The following VRK2 variants were observed in gnomAD, a reference collection of about 807,000 sequenced individuals.
The protein encoded by VRK2 is VRK serine/threonine kinase 2, also known as serine/threonine-protein kinase VRK2.
Under a neutral mutation model 57.6 loss-of-function variants are expected in VRK2, and 60 were observed. That is an observed-to-expected ratio of 1.04 (90% CI 0.85 to 1.29). The LOEUF (loss-of-function observed/expected upper bound fraction) is 1.29, where lower values mean the gene tolerates loss of function less well. VRK2 is among the 50% of genes most tolerant of loss of function. The pLI is 0.00. For synonymous variants in VRK2, 231 were observed against 199.2 expected (o/e 1.16, Z -1.35); for missense variants, 705 against 588.1 (o/e 1.20, Z -2.06).
chr2:58,075,766 C>T (rs1432434691), intron 2 of VRK2, among the ~76,000 whole-genome samples: 1 of 147,840 alleles, frequency 6.8e-6, no homozygotes, highest in Non-Finnish European at 1.5e-5. Context: ...TTTTCTTCTC[C>T]CATGTTGATT....
chr2:57,960,211 G>A (rs1671716583), intron 1 of VRK2, among the ~76,000 whole-genome samples: 1 of 152,110 alleles, frequency 6.6e-6, no homozygotes, highest in Non-Finnish European at 1.5e-5. Context: ...ACCAAAAAGA[G>A]TGCAGATCTG....
intron 7 of VRK2, among the ~76,000 whole-genome samples, chr2:58,107,013 CATA>C (rs1674854246): frequency 6.6e-6 from 1 of 152,060 alleles, no homozygotes; most frequent in African/African-American, 2.4e-5. Context: ...TGCATCAAAA[CATA>C]GTAGCATCTT....
chr2:57,984,274 C>CA (rs965345196), intron 1 of VRK2, among the ~76,000 whole-genome samples: 8 of 148,260 alleles, frequency 5.4e-5, no homozygotes, highest in South Asian at 4.2e-4. Context: ...CACAACCTAA[C>CA]AAAAAAAAAG....
At position 57,986,219 on chromosome 2, in the gene VRK2, T is replaced by TA. The variant is rs957855264; in HGVS notation, c.-438-39435dup. On this transcript the variant is annotated intron_variant, in intron 1 of 15. Transcript: ENST00000417641. ...AAGTCATCTCTCTTCTATATTTCTT[T>TA]AAAAAAAAAAAGAATACCTACATAA... is the stretch of plus-strand genomic sequence containing the variant. 1.3e-3 allele frequency among the ~76,000 whole-genome samples: 185 copies of TA among 146,108 alleles called. 1 individual carries two copies. The East Asian group carries it at 0.014, about 11-fold the overall frequency.
chr2:58,016,241 G>A (rs1174517595), intron 1 of VRK2, among the ~76,000 whole-genome samples: 2 of 151,298 alleles, frequency 1.3e-5, no homozygotes, highest in African/African-American at 4.9e-5. Flanking sequence ...AGTAAAACTT[G>A]CCTAGCACAT....
At chr2:57,980,147 T>C (rs1572931672) in intron 1 of VRK2, among the ~76,000 whole-genome samples, 1 of 152,266 alleles carries the variant, frequency 6.6e-6, no homozygotes, top group South Asian at 2.1e-4. Flanking sequence ...TTGAGACCTT[T>C]CTAACTTCTT....
At chr2:57,959,449 C>A (rs764564383) in intron 1 of VRK2, among the ~76,000 whole-genome samples, 3 of 152,102 alleles carry the variant, frequency 2.0e-5, no homozygotes, top group Non-Finnish European at 4.4e-5. Flanking sequence ...TGCTCCAGCT[C>A]TTTGTGAACT....
chr2:58,017,315 C>A (rs7563225), intron 1 of VRK2, among the ~76,000 whole-genome samples: 13,033 of 152,180 alleles, frequency 0.086, 1,959 homozygotes, highest in African/African-American at 0.3. Flanking sequence ...TTTATTTGCT[C>A]TCCACTGACT....
At chr2:58,013,821 A>G (rs1203489194) in intron 1 of VRK2, among the ~76,000 whole-genome samples, 4 of 142,622 alleles carry the variant, frequency 2.8e-5, no homozygotes, top group Non-Finnish European at 6.0e-5. Flanking sequence ...ATCGCGCCAC[A>G]GCACTCCCTC....
intron 3 of VRK2, among the ~76,000 whole-genome samples, chr2:58,039,584 A>G (rs1485480287): frequency 6.6e-6 from 1 of 152,170 alleles, no homozygotes; most frequent in Admixed American, 6.6e-5. Context: ...TAAGCATATT[A>G]AAGACTCAGG....
upstream of VRK2, among the ~76,000 whole-genome samples, chr2:58,044,694 G>A (rs531904388): frequency 1.2e-4 from 18 of 152,174 alleles, no homozygotes; most frequent in Non-Finnish European, 1.3e-4. Flanking sequence ...GGAAGTGATG[G>A]AGCAGTCTAT....
chr2:58,145,440 C>T (rs1448437064), intron 11 of VRK2, among the ~76,000 whole-genome samples: 9 of 151,846 alleles, frequency 5.9e-5, no homozygotes, highest in Admixed American at 5.9e-4. Context: ...TGATAGAAAA[C>T]TAAGATTTTA....
intron 1 of VRK2, among the ~76,000 whole-genome samples, chr2:57,930,890 C>T (rs777298515): frequency 3.3e-5 from 5 of 151,964 alleles, no homozygotes; most frequent in Non-Finnish European, 5.9e-5. Context: ...AATATCCTCC[C>T]GGTTTATCTA....
At chr2:57,980,774 C>T (rs1202814197) in intron 1 of VRK2, among the ~76,000 whole-genome samples, 1 of 152,124 alleles carries the variant, frequency 6.6e-6, no homozygotes, top group Admixed American at 6.5e-5. Flanking sequence ...AACCCTTTAT[C>T]AATACATAAT....
At chr2:57,984,333 A>C (rs566446953) in intron 1 of VRK2, among the ~76,000 whole-genome samples, 19 of 152,248 alleles carry the variant, frequency 1.2e-4, no homozygotes, top group African/African-American at 4.3e-4. Context: ...GTATCACTGA[A>C]AATGAGAGGA....
intron 7 of VRK2, among the ~76,000 whole-genome samples, chr2:58,118,122 A>G (rs868296955): frequency 0.025 from 2,905 of 116,358 alleles, 19 homozygotes; most frequent in African/African-American, 0.058. Flanking sequence ...GGGACTTGCC[A>G]CTAAGGGTGA....
At chr2:58,107,826 G>A (rs1205307782) in intron 7 of VRK2, among the ~76,000 whole-genome samples, 2 of 152,094 alleles carry the variant, frequency 1.3e-5, no homozygotes, top group Non-Finnish European at 2.9e-5. Context: ...AGCTCCAAAT[G>A]TTTTTCTCCC....
intron 1 of VRK2, among the ~76,000 whole-genome samples, chr2:57,996,103 G>T (rs1415349726): frequency 2.0e-5 from 3 of 152,170 alleles, no homozygotes; most frequent in Non-Finnish European, 4.4e-5. Flanking sequence ...CGGGTGATGT[G>T]CATAAGTTAT....
At chr2:57,931,653 C>G (rs530407866) in intron 1 of VRK2, among the ~76,000 whole-genome samples, 1 of 152,084 alleles carries the variant, frequency 6.6e-6, no homozygotes, top group East Asian at 1.9e-4. Flanking sequence ...CTTTTGTCAC[C>G]TGTGGTTTTG....
Sources: allele counts gnomAD v4.1 joint callset (sites outside exome capture counted in the v4.1 genomes callset), GRCh38; gene constraint gnomAD v4.1.1; transcripts MANE v1.5; gene names NCBI Gene and HGNC (gene_info 2026-07-23, HGNC 2026-07-21).